Variants in SERGEF observed in about 807,000 individuals in gnomAD.
The protein encoded by SERGEF is secretion-regulating guanine nucleotide exchange factor.
In SERGEF, 51 loss-of-function variants were observed where a neutral mutation model predicts 50.0. The observed-to-expected ratio is 1.02, with a 90% CI of 0.81 to 1.29. The LOEUF (loss-of-function observed/expected upper bound fraction) is 1.29, where lower values mean the gene tolerates loss of function less well. Ranked by LOEUF, SERGEF falls within the 50% of genes most tolerant of loss-of-function variation. SERGEF has a pLI of 0.00. For synonymous variants in SERGEF, 205 were observed against 212.4 expected (o/e 0.97, Z 0.30); for missense variants, 521 against 557.0 (o/e 0.94, Z 0.65).
intron 10 of SERGEF, among the ~76,000 whole-genome samples, chr11:17,872,273 ATATCT>A (rs1565191263): frequency 3.8e-3 from 2 of 526 alleles, no homozygotes; most frequent in Non-Finnish European, 7.0e-3. Flanking sequence ...GAAATGTTCT[ATATCT>A]TGCTCTGGAT....
chr11:17,800,606 C>T (rs1214286799), intron 10 of SERGEF, among the ~76,000 whole-genome samples: 2 of 152,114 alleles, frequency 1.3e-5, no homozygotes, highest in African/African-American at 4.8e-5. Context: ...GGAGAAACAA[C>T]AAGCAAGTAG....
chr11:17,878,295 T>C (rs1200694553), intron 9 of SERGEF, 51 bp from the exon 10 acceptor site: 2 of 1,390,830 alleles, frequency 1.4e-6, no homozygotes, highest in Non-Finnish European at 2.0e-6. Context: ...TCAGCCAGTA[T>C]ATTTTATAAT....
intron 10 of SERGEF, among the ~76,000 whole-genome samples, chr11:17,858,553 T>A (rs548007629): frequency 1.1e-4 from 16 of 152,180 alleles, no homozygotes; most frequent in African/African-American, 3.9e-4. Flanking sequence ...TACAAGGAAG[T>A]CAGCAGCCAG....
At chr11:17,931,905 G>A (rs1852359261) in intron 9 of SERGEF, among the ~76,000 whole-genome samples, 1 of 152,174 alleles carries the variant, frequency 6.6e-6, no homozygotes. Context: ...GATGCATGCT[G>A]AGGTTTGAGA....
chr11:17,893,666 G>A (rs1851573923), intron 9 of SERGEF, among the ~76,000 whole-genome samples: 1 of 152,200 alleles, frequency 6.6e-6, no homozygotes, highest in Non-Finnish European at 1.5e-5. Flanking sequence ...GTATCCACGT[G>A]CAGAAAGATC....
intron 1 of SERGEF, chr11:18,012,639 C>T: frequency 8.4e-7 from 1 of 1,184,986 alleles, no homozygotes; most frequent in South Asian, 1.7e-5. Flanking sequence ...GTCTTCCAGG[C>T]GCTATTCGGG....
At chr11:17,860,412 A>T (rs1410497936) in intron 10 of SERGEF, among the ~76,000 whole-genome samples, 1 of 152,240 alleles carries the variant, frequency 6.6e-6, no homozygotes, top group African/African-American at 2.4e-5. Flanking sequence ...AGGTGGTGGT[A>T]TAAGATAATT....
chr11:18,004,624 G>A, intron 3 of SERGEF, 89 bp from the exon 4 acceptor site: 1 of 869,992 alleles, frequency 1.1e-6, no homozygotes, highest in East Asian at 2.7e-5. Context: ...AGATGCAAAG[G>A]GGATGAGGGG....
At chr11:17,919,665 C>T (rs951474574) in intron 9 of SERGEF, among the ~76,000 whole-genome samples, 1 of 152,148 alleles carries the variant, frequency 6.6e-6, no homozygotes, top group African/African-American at 2.4e-5. Context: ...TATTCTCCCC[C>T]ATACTCACTC....
chr11:17,896,626 G>A (rs1590183598), intron 9 of SERGEF, among the ~76,000 whole-genome samples: 1 of 23,970 alleles, frequency 4.2e-5, no homozygotes, highest in Non-Finnish European at 8.2e-5. Context: ...AAGGGAAGGG[G>A]AAGGGGAAGG....
In SERGEF at chr11:17,833,251, G is replaced by C. The variant is rs184695112; in HGVS notation, c.1049-44838C>G. Among the ~76,000 whole-genome samples the C allele has an allele frequency of 5.9e-5, 9 of 152,308 alleles. No individual in the cohort carries two copies. The East Asian group carries it at 1.7e-3, about 29-fold the overall frequency. On this transcript the variant is annotated intron_variant, in intron 10 of 10. Coordinates refer to ENST00000265965, the MANE Select transcript of SERGEF (RefSeq NM_012139.4). Reference sequence around the variant, plus strand: ...CTGAAAGGGGCCAACGTAGAGCTTGGGCCGTGGCTTCAGAGGGTGCGAACC... The same window carrying C: ...CTGAAAGGGGCCAACGTAGAGCTTGCGCCGTGGCTTCAGAGGGTGCGAACC...
intron 10 of SERGEF, among the ~76,000 whole-genome samples, chr11:17,873,495 T>C (rs1316747968): frequency 6.6e-6 from 1 of 152,224 alleles, no homozygotes; most frequent in African/African-American, 2.4e-5. Context: ...TATTTTCCTA[T>C]TAAATTCTTA....
At chr11:18,005,606 G>A (rs1268995615) in intron 3 of SERGEF, among the ~76,000 whole-genome samples, 3 of 152,192 alleles carry the variant, frequency 2.0e-5, no homozygotes, top group Admixed American at 6.5e-5. Context: ...CCAAAGGACC[G>A]TGGCAAAGAG....
rs149489528 is a variant in SERGEF, at chr11:17,977,513, C to T, written c.844+11084G>A. On this transcript the variant is annotated intron_variant, in intron 8 of 10. Transcript: ENST00000265965. ...CTGCCCTTTCCTGCTTCAAAGGCCT[C>T]CTCCCTCTGGCAGTTCACCACCATA... Among the ~76,000 whole-genome samples the T allele has an allele frequency of 7.0e-3, 1,066 of 152,272 alleles. 9 individuals are homozygous for T. The highest frequency in any genetic ancestry group is 0.034 in the Middle Eastern group (10 of 294).
At chr11:17,876,200 C>T (rs1346461941) in intron 10 of SERGEF, among the ~76,000 whole-genome samples, 1 of 152,210 alleles carries the variant, frequency 6.6e-6, no homozygotes, top group Non-Finnish European at 1.5e-5. Context: ...CCTGCACTCA[C>T]TTTTCCTGAC....
chr11:17,890,734 C>T (rs1851517447), intron 9 of SERGEF, among the ~76,000 whole-genome samples: 1 of 152,044 alleles, frequency 6.6e-6, no homozygotes. Context: ...ATTTTTATTT[C>T]TAAAAATCAT....
chr11:17,834,180 A>T (rs942128765), intron 10 of SERGEF, among the ~76,000 whole-genome samples: 2 of 152,266 alleles, frequency 1.3e-5, no homozygotes, highest in African/African-American at 4.8e-5. Flanking sequence ...TGCTGTTCTC[A>T]TGATAGTGAA....
At chr11:17,876,324 C>T (rs1216874386) in intron 10 of SERGEF, among the ~76,000 whole-genome samples, 2 of 152,216 alleles carry the variant, frequency 1.3e-5, no homozygotes, top group Non-Finnish European at 2.9e-5. Context: ...CTCCCACTGC[C>T]TCTGATGGCC....
chr11:17,956,935 C>T (rs1852885507), intron 9 of SERGEF, among the ~76,000 whole-genome samples: 1 of 152,188 alleles, frequency 6.6e-6, no homozygotes. Flanking sequence ...CATATAGCTG[C>T]CTCCTGGCCT....
Sources: gnomAD v4.1 joint callset for allele counts (sites outside exome capture counted in the v4.1 genomes callset) on GRCh38, gnomAD v4.1.1 for gene constraint, MANE v1.5 for transcripts, NCBI Gene and HGNC (gene_info 2026-07-23, HGNC 2026-07-21) for gene names.